MAPK10: variants seen among roughly 807,000 people sequenced by gnomAD.
The protein encoded by MAPK10 is mitogen-activated protein kinase 10.
In MAPK10, 25 loss-of-function variants were observed where a neutral mutation model predicts 59.3. That is an observed-to-expected ratio of 0.42 (90% CI 0.31 to 0.59). The LOEUF (loss-of-function observed/expected upper bound fraction) is 0.59, where lower values mean the gene tolerates loss of function less well. Among genes scored for constraint, MAPK10 ranks in the 20% least tolerant of loss-of-function variants. The probability of loss-of-function intolerance (pLI) is 0.15; values close to 1 mark genes in which losing one functional copy is unlikely to be tolerated. For synonymous variants in MAPK10, 190 were observed against 200.5 expected, an observed-to-expected ratio of 0.95 and a Z score of 0.44; for missense variants, 351 against 568.9, an observed-to-expected ratio of 0.62 and a Z score of 3.90.
chr4:86,438,961 C>T (rs1331255917), intron 1 of MAPK10, among the ~76,000 whole-genome samples: 3 of 152,168 alleles, frequency 2.0e-5, no homozygotes, highest in African/African-American at 4.8e-5. Flanking sequence ...GATTTCAAGC[C>T]AGCAGCTGGG....
chr4:86,469,819 T>C (rs118114630), intron 1 of MAPK10, among the ~76,000 whole-genome samples: 1 of 152,304 alleles, frequency 6.6e-6, no homozygotes, highest in East Asian at 1.9e-4. Flanking sequence ...GCTGCATCCA[T>C]TTGAGAGATT....
At chr4:86,467,596 T>C (rs568401803) in intron 1 of MAPK10, among the ~76,000 whole-genome samples, 1 of 152,262 alleles carries the variant, frequency 6.6e-6, no homozygotes, top group East Asian at 1.9e-4. Flanking sequence ...CTTGGCTCAC[T>C]GCAACCTCCG....
chr4:86,383,200 G>C (rs1394000628), intron 1 of MAPK10, among the ~76,000 whole-genome samples: 3 of 152,074 alleles, frequency 2.0e-5, no homozygotes, highest in African/African-American at 7.2e-5. Context: ...TATAAGACTG[G>C]AAAAGTCCAA....
intron 4 of MAPK10, chr4:86,125,079 A>G (rs1202920907): frequency 6.6e-6 from 1 of 151,946 alleles, no homozygotes; most frequent in Non-Finnish European, 1.5e-5. Flanking sequence ...TAAAAAGAAT[A>G]TTTTCAATTT....
At chr4:86,349,502 G>A (rs1730049419) in intron 2 of MAPK10, among the ~76,000 whole-genome samples, 1 of 152,082 alleles carries the variant, frequency 6.6e-6, no homozygotes, top group Non-Finnish European at 1.5e-5. Flanking sequence ...ATACCCCCTG[G>A]CTAAGGTGGG....
chr4:86,459,307 G>A (rs1751517562), intron 1 of MAPK10, among the ~76,000 whole-genome samples: 1 of 152,138 alleles, frequency 6.6e-6, no homozygotes, highest in Non-Finnish European at 1.5e-5. Flanking sequence ...CTGCTGGTGG[G>A]AACATAAACT....
At chr4:86,481,796 G>A (rs1753634291) in intron 1 of MAPK10, among the ~76,000 whole-genome samples, 1 of 152,164 alleles carries the variant, frequency 6.6e-6, no homozygotes, top group Non-Finnish European at 1.5e-5. Flanking sequence ...TTAACCCCAT[G>A]AAATCATCTA....
chr4:86,270,705 A>G (rs2094407605), intron 2 of MAPK10, among the ~76,000 whole-genome samples: 1 of 151,952 alleles, frequency 6.6e-6, no homozygotes, highest in South Asian at 2.1e-4. Flanking sequence ...CTAAGCAACC[A>G]CTATTCTGAA....
At chr4:86,293,207 A>G (rs2095274158) in intron 2 of MAPK10, among the ~76,000 whole-genome samples, 3 of 152,234 alleles carry the variant, frequency 2.0e-5, no homozygotes, top group African/African-American at 7.2e-5. Flanking sequence ...TAGAATTTCA[A>G]ACTTTGAGGT....
chr4:86,302,825 A>C (rs1216401173), intron 2 of MAPK10, among the ~76,000 whole-genome samples: 5 of 152,224 alleles, frequency 3.3e-5, no homozygotes, highest in Non-Finnish European at 1.5e-5. Context: ...AAATAAAAAT[A>C]AAATGGTAAG....
At chr4:86,055,071 T>C (rs1365596644) in intron 11 of MAPK10, among the ~76,000 whole-genome samples, 3 of 152,226 alleles carry the variant, frequency 2.0e-5, no homozygotes, top group Non-Finnish European at 4.4e-5. Flanking sequence ...GTTACCTCTT[T>C]GTTTTTCTAC....
intron 1 of MAPK10, among the ~76,000 whole-genome samples, chr4:86,570,760 A>G (rs1246825759): frequency 2.0e-5 from 3 of 152,186 alleles, no homozygotes; most frequent in Non-Finnish European, 4.4e-5. Flanking sequence ...GGTTTCAGGA[A>G]AGACTTCCTG....
At chr4:86,467,692 G>A (rs1195387303) in intron 1 of MAPK10, among the ~76,000 whole-genome samples, 2 of 152,230 alleles carry the variant, frequency 1.3e-5, no homozygotes, top group East Asian at 1.9e-4. Flanking sequence ...GCTAATTTTT[G>A]TATTTTTAAT....
At chr4:86,408,210 T>C (rs1463919188) in intron 1 of MAPK10, among the ~76,000 whole-genome samples, 1 of 152,108 alleles carries the variant, frequency 6.6e-6, no homozygotes, top group Non-Finnish European at 1.5e-5. Flanking sequence ...TTCATCCATG[T>C]CCCTGCAAAG....
chr4:86,150,509 T>C (rs2066136619), intron 4 of MAPK10, among the ~76,000 whole-genome samples: 1 of 152,184 alleles, frequency 6.6e-6, no homozygotes, highest in Non-Finnish European at 1.5e-5. Context: ...ATTAGCCACT[T>C]AGGAGGTCAA....
chr4:86,031,560 T>C (rs1478144558), intron 11 of MAPK10, 129 bp from the exon 12 acceptor site: 4 of 633,184 alleles, frequency 6.3e-6, no homozygotes, highest in African/African-American at 5.6e-5. Flanking sequence ...ATGAGGAAAT[T>C]ACAGTAGTTC....
intron 2 of MAPK10, among the ~76,000 whole-genome samples, chr4:86,234,095 C>A (rs1052760647): frequency 2.0e-5 from 3 of 152,166 alleles, no homozygotes; most frequent in Non-Finnish European, 4.4e-5. Context: ...AAGTCAGAGT[C>A]TCTAGACTCA....
chr4:86,465,625 C>T (rs575449243), intron 1 of MAPK10, among the ~76,000 whole-genome samples: 13 of 152,202 alleles, frequency 8.5e-5, no homozygotes, highest in Admixed American at 2.0e-4. Context: ...GATCCGATAA[C>T]AAAAAGTTGG....
At chr4:86,081,255 T>A (rs1406000375) in intron 9 of MAPK10, 2 of 152,062 alleles carry the variant, frequency 1.3e-5, no homozygotes, top group Non-Finnish European at 2.9e-5. Context: ...CCATGTGGAC[T>A]AATGGTTTAA....
Sources: allele counts gnomAD v4.1 joint callset (sites outside exome capture counted in the v4.1 genomes callset), GRCh38; gene constraint gnomAD v4.1.1; transcripts MANE v1.5; gene names NCBI Gene and HGNC (gene_info 2026-07-23, HGNC 2026-07-21).